The following ADAMTSL1 variants were observed in gnomAD, a reference collection of about 807,000 sequenced individuals.
ADAMTSL1 encodes the protein ADAMTS-like protein 1.
ADAMTSL1 carries 126 observed loss-of-function variants against 201.8 expected under a neutral mutation model. That is an observed-to-expected ratio of 0.62 (90% CI 0.54 to 0.72). The LOEUF (loss-of-function observed/expected upper bound fraction) is 0.72, where lower values mean the gene tolerates loss of function less well. Ranked by LOEUF, ADAMTSL1 falls within the 30% of genes least tolerant of loss-of-function variation. ADAMTSL1 has a pLI of 0.00. For synonymous variants in ADAMTSL1, 1,121 were observed against 903.4 expected (o/e 1.24, Z -4.32); for missense variants, 2,679 against 2,277.8 (o/e 1.18, Z -3.59).
intron 2 of ADAMTSL1, among the ~76,000 whole-genome samples, chr9:18,451,780 T>C (rs1163875728): frequency 6.6e-6 from 1 of 152,238 alleles, no homozygotes. Flanking sequence ...AGAAGAGAGA[T>C]TTATTTCTTA....
intron 1 of ADAMTSL1, among the ~76,000 whole-genome samples, chr9:18,099,125 T>G (rs978664733): frequency 4.0e-5 from 6 of 150,794 alleles, no homozygotes; most frequent in African/African-American, 1.5e-4. Flanking sequence ...AAATTGTTGT[T>G]ATTTGTTTGT....
chr9:18,620,504 C>T (rs1432786067), intron 4 of ADAMTSL1, among the ~76,000 whole-genome samples: 2 of 152,178 alleles, frequency 1.3e-5, no homozygotes, highest in African/African-American at 2.4e-5. Flanking sequence ...ACACTGTACT[C>T]AGAATATAAC....
chr9:18,683,820 G>C (rs929504183), intron 12 of ADAMTSL1, among the ~76,000 whole-genome samples: 2 of 152,168 alleles, frequency 1.3e-5, no homozygotes, highest in East Asian at 1.9e-4. Flanking sequence ...CACAACCAAG[G>C]AGTGAGCCTG....
chr9:18,200,973 T>G (rs1829421531), intron 2 of ADAMTSL1, among the ~76,000 whole-genome samples: 1 of 152,026 alleles, frequency 6.6e-6, no homozygotes, highest in Non-Finnish European at 1.5e-5. Context: ...CTTTAATGCT[T>G]GAGTTCTAGT....
intron 2 of ADAMTSL1, among the ~76,000 whole-genome samples, chr9:18,350,426 C>T (rs1586944532): frequency 6.6e-6 from 1 of 152,088 alleles, no homozygotes; most frequent in Admixed American, 6.5e-5. Context: ...TGAAGCCGGT[C>T]CTTCCCTTCT....
chr9:18,763,320 G>T (rs182557377), intron 16 of ADAMTSL1, among the ~76,000 whole-genome samples: 49 of 152,226 alleles, frequency 3.2e-4, no homozygotes, highest in African/African-American at 1.1e-3. Flanking sequence ...GAGATGTCTA[G>T]TCAGATCTTT....
At chr9:18,886,559 G>A (rs904483348) in intron 23 of ADAMTSL1, among the ~76,000 whole-genome samples, 4 of 152,164 alleles carry the variant, frequency 2.6e-5, no homozygotes, top group African/African-American at 9.7e-5. Flanking sequence ...TCTGGAGTCT[G>A]GCAAGTCCCA....
intron 2 of ADAMTSL1, among the ~76,000 whole-genome samples, chr9:18,525,901 C>T (rs545787275): frequency 3.3e-5 from 5 of 152,032 alleles, no homozygotes; most frequent in Admixed American, 6.6e-5. Flanking sequence ...AATGTGGTTT[C>T]GAGAAGAACG....
intron 2 of ADAMTSL1, among the ~76,000 whole-genome samples, chr9:18,181,432 A>G (rs1258124792): frequency 1.3e-5 from 2 of 152,108 alleles, no homozygotes; most frequent in Non-Finnish European, 2.9e-5. Context: ...ACTCAAACAA[A>G]TTTACAAGAA....
At chr9:18,797,138 A>C (rs905669163) in intron 20 of ADAMTSL1, among the ~76,000 whole-genome samples, 3 of 152,200 alleles carry the variant, frequency 2.0e-5, no homozygotes, top group African/African-American at 7.2e-5. Context: ...CCAAAGAGGC[A>C]CCAGGGAAGG....
intron 7 of ADAMTSL1, among the ~76,000 whole-genome samples, chr9:18,643,792 G>A (rs1427752258): frequency 6.6e-6 from 1 of 151,850 alleles, no homozygotes; most frequent in Non-Finnish European, 1.5e-5. Flanking sequence ...CTTTTCAGTA[G>A]ATTTTGAAAT....
intron 1 of ADAMTSL1, among the ~76,000 whole-genome samples, chr9:18,122,673 A>T (rs1825551735): frequency 6.6e-6 from 1 of 152,186 alleles, no homozygotes; most frequent in African/African-American, 2.4e-5. Context: ...ATATTCATAG[A>T]GATTAGCTGA....
At chr9:18,034,956 T>C (rs1821128021) in intron 1 of ADAMTSL1, among the ~76,000 whole-genome samples, 1 of 152,228 alleles carries the variant, frequency 6.6e-6, no homozygotes, top group South Asian at 2.1e-4. Flanking sequence ...TTTCCTTTGC[T>C]ATGATATCTA....
At chr9:18,251,532 A>G (rs762701341) in intron 2 of ADAMTSL1, among the ~76,000 whole-genome samples, 3 of 152,210 alleles carry the variant, frequency 2.0e-5, no homozygotes, top group Non-Finnish European at 4.4e-5. Flanking sequence ...TTATCCTTTA[A>G]AGTTATTTTA....
intron 23 of ADAMTSL1, among the ~76,000 whole-genome samples, chr9:18,847,098 G>C (rs937388483): frequency 7.2e-5 from 11 of 152,328 alleles, no homozygotes; most frequent in African/African-American, 2.4e-4. Context: ...TTAAATGCTA[G>C]GTCCTGTGCC....
intron 23 of ADAMTSL1, among the ~76,000 whole-genome samples, chr9:18,842,501 A>C (rs1200801732): frequency 6.6e-6 from 1 of 152,142 alleles, no homozygotes; most frequent in Non-Finnish European, 1.5e-5. Flanking sequence ...GTGCTGAAAA[A>C]AATGTATACT....
intron 1 of ADAMTSL1, among the ~76,000 whole-genome samples, chr9:18,481,031 C>T (rs1365950132): frequency 6.6e-6 from 1 of 152,100 alleles, no homozygotes; most frequent in Non-Finnish European, 1.5e-5. Context: ...GAAAAAGATG[C>T]TGAGAAGCTG....
chr9:18,620,489 A>C (rs949672914), intron 4 of ADAMTSL1, among the ~76,000 whole-genome samples: 2 of 152,208 alleles, frequency 1.3e-5, no homozygotes, highest in African/African-American at 4.8e-5. Flanking sequence ...CTGTAATCCT[A>C]TTTCACACTG....
intron 2 of ADAMTSL1, among the ~76,000 whole-genome samples, chr9:18,176,090 A>T (rs1475249044): frequency 6.6e-6 from 1 of 151,748 alleles, no homozygotes; most frequent in East Asian, 1.9e-4. Flanking sequence ...TAATTAAAAA[A>T]TTCAGACTAG....
Sources: gnomAD v4.1 joint callset for allele counts (sites outside exome capture counted in the v4.1 genomes callset) on GRCh38, gnomAD v4.1.1 for gene constraint, MANE v1.5 for transcripts, NCBI Gene and HGNC (gene_info 2026-07-23, HGNC 2026-07-21) for gene names.